Variants in MAST4 observed in about 807,000 individuals in gnomAD.
MAST4 encodes the protein microtubule-associated serine/threonine-protein kinase 4.
In MAST4, 89 loss-of-function variants were observed where a neutral mutation model predicts 162.7. The ratio of observed to expected loss-of-function variants is 0.55; its 90% confidence interval spans 0.46 to 0.65. MAST4 has a LOEUF of 0.65. Among genes scored for constraint, MAST4 ranks in the 30% least tolerant of loss-of-function variants. The probability of loss-of-function intolerance (pLI) is 0.00; values close to 1 mark genes in which losing one functional copy is unlikely to be tolerated. For missense variants in MAST4, 3,153 were observed against 3,374.0 expected (o/e 0.93, Z 1.62); for synonymous variants, 1,479 against 1,361.1 (o/e 1.09, Z -1.91).
intron 1 of MAST4, among the ~76,000 whole-genome samples, chr5:66,731,539 C>G (rs1255180862): frequency 6.6e-6 from 1 of 152,182 alleles, no homozygotes; most frequent in Non-Finnish European, 1.5e-5. Flanking sequence ...TTCTATTCAG[C>G]TTTTCTATGG....
At chr5:66,648,034 A>ATG (rs745965169) in intron 1 of MAST4, among the ~76,000 whole-genome samples, 5,328 of 118,806 alleles carry the variant, frequency 0.045, 138 homozygotes, top group Non-Finnish European at 0.064. Context: ...GTGTTAGGTA[A>ATG]TGTGTGTGTG....
intron 5 of MAST4, among the ~76,000 whole-genome samples, chr5:67,081,089 TAATATATAA>T (rs1561626304): frequency 7.2e-6 from 1 of 139,114 alleles, no homozygotes; most frequent in African/African-American, 2.7e-5. Flanking sequence ...ATATATTATA[TAATATATAA>T]TTGTATATAT....
chr5:67,042,365 T>TC (rs1417120826), intron 4 of MAST4, among the ~76,000 whole-genome samples: 3 of 152,180 alleles, frequency 2.0e-5, no homozygotes, highest in Non-Finnish European at 4.4e-5. Context: ...TTCTGGTAAT[T>TC]CCCCAGTCCT....
intron 1 of MAST4, among the ~76,000 whole-genome samples, chr5:66,710,639 T>A (rs899113185): frequency 6.6e-6 from 1 of 152,188 alleles, no homozygotes; most frequent in Non-Finnish European, 1.5e-5. Flanking sequence ...ATAGGTATCT[T>A]CCTTCTGTGA....
At chr5:67,021,535 A>G (rs1753983201) in intron 4 of MAST4, among the ~76,000 whole-genome samples, 1 of 152,250 alleles carries the variant, frequency 6.6e-6, no homozygotes, top group Non-Finnish European at 1.5e-5. Flanking sequence ...AATTTCTGAA[A>G]TGACTCTGAG....
chr5:66,805,443 C>T (rs944746318), intron 3 of MAST4, among the ~76,000 whole-genome samples: 2 of 152,148 alleles, frequency 1.3e-5, no homozygotes, highest in African/African-American at 4.8e-5. Context: ...TTTTCACTTA[C>T]ATTTAAAAGA....
chr5:66,811,287 A>C (rs1362081053), intron 3 of MAST4, among the ~76,000 whole-genome samples: 2 of 152,230 alleles, frequency 1.3e-5, no homozygotes, highest in Admixed American at 6.5e-5. Context: ...TTGTTTGCAA[A>C]TTAGTGAAGG....
At chr5:66,655,304 T>G (rs1468876983) in intron 1 of MAST4, among the ~76,000 whole-genome samples, 1 of 152,184 alleles carries the variant, frequency 6.6e-6, no homozygotes, top group Non-Finnish European at 1.5e-5. Context: ...CATATTGTGT[T>G]GAAGGAGTCG....
At chr5:67,033,345 G>GTGTGTGTGT (rs55919358) in intron 4 of MAST4, among the ~76,000 whole-genome samples, 41 of 123,548 alleles carry the variant, frequency 3.3e-4, no homozygotes, top group Non-Finnish European at 3.9e-4. Context: ...GTGTGTGTGT[G>GTGTGTGTGT]GCTTTTTTTT....
At chr5:67,078,978 A>G (rs1368691733) in intron 5 of MAST4, among the ~76,000 whole-genome samples, 1 of 122,652 alleles carries the variant, frequency 8.2e-6, no homozygotes, top group African/African-American at 3.1e-5. Context: ...CTGTCAAATT[A>G]CCAAAATCTG....
At chr5:66,605,106 C>T (rs1204312579) in intron 1 of MAST4, among the ~76,000 whole-genome samples, 8 of 152,310 alleles carry the variant, frequency 5.3e-5, no homozygotes, top group Middle Eastern at 6.8e-3. Context: ...ATATCTACCT[C>T]CTACATAAGA....
At chr5:67,077,009 T>TA (rs1461246608) in intron 5 of MAST4, among the ~76,000 whole-genome samples, 1 of 152,174 alleles carries the variant, frequency 6.6e-6, no homozygotes, top group Non-Finnish European at 1.5e-5. Flanking sequence ...AACTGCCCTG[T>TA]AGGTTCTAAA....
intron 2 of MAST4, among the ~76,000 whole-genome samples, chr5:66,785,209 T>C (rs1030374477): frequency 6.6e-6 from 1 of 152,164 alleles, no homozygotes; most frequent in African/African-American, 2.4e-5. Flanking sequence ...CCAGCCTGAG[T>C]GACAGAGTGA....
chr5:67,040,403 T>C (rs1253448885), intron 4 of MAST4, among the ~76,000 whole-genome samples: 2 of 152,296 alleles, frequency 1.3e-5, no homozygotes, highest in African/African-American at 2.4e-5. Flanking sequence ...TGTTGGATCA[T>C]CTACCTATGG....
At chr5:66,712,172 G>A (rs1750538127) in intron 1 of MAST4, among the ~76,000 whole-genome samples, 1 of 152,202 alleles carries the variant, frequency 6.6e-6, no homozygotes, top group Non-Finnish European at 1.5e-5. Flanking sequence ...ACACCTGCTA[G>A]TGTGTACATA....
rs777825639 is a variant in MAST4 at position 66,847,820 on chromosome 5, C to CAAA, written c.643-52110_643-52108dup. On this transcript the variant is annotated intron_variant, in intron 3 of 28. Coordinates refer to ENST00000403625, the MANE Select transcript of MAST4 (RefSeq NM_001164664.2). ...TGGGTGCTGGAACAAGACTCCTTCT[C>CAAA]AAAAAAAAAAAAAAAAAAAAAAAGA... Among the ~76,000 whole-genome samples, 37 of 54,118 alleles carry CAAA rather than the reference C, an allele frequency of 6.8e-4. 4 individuals are homozygous for CAAA. In the East Asian group the frequency reaches 6.8e-3, roughly 10 times the overall value. 35.5% of individuals were successfully genotyped at this position (54,118 alleles called of 152,430 possible).
chr5:66,846,936 G>T (rs902394318), intron 3 of MAST4, among the ~76,000 whole-genome samples: 2 of 152,108 alleles, frequency 1.3e-5, no homozygotes, highest in Admixed American at 1.3e-4. Context: ...GCATTAGAAC[G>T]TGTGGTTTCC....
chr5:66,809,732 A>G, intron 3 of MAST4, among the ~76,000 whole-genome samples: 1 of 152,190 alleles, frequency 6.6e-6, no homozygotes, highest in East Asian at 1.9e-4. Flanking sequence ...CAATTAAAAT[A>G]TATGACTTTT....
intron 4 of MAST4, among the ~76,000 whole-genome samples, chr5:66,910,875 G>A (rs1286589638): frequency 6.6e-6 from 1 of 151,358 alleles, no homozygotes; most frequent in Non-Finnish European, 1.5e-5. Flanking sequence ...AGCCTCCCAA[G>A]TAGCTGGGAC....
Sources: allele counts gnomAD v4.1 joint callset (sites outside exome capture counted in the v4.1 genomes callset), GRCh38; gene constraint gnomAD v4.1.1; transcripts MANE v1.5; gene names NCBI Gene and HGNC (gene_info 2026-07-23, HGNC 2026-07-21).